Variants in ADGRB1 observed in about 807,000 individuals in gnomAD.
The protein encoded by ADGRB1 is adhesion G protein-coupled receptor B1, also known as brain-specific angiogenesis inhibitor 1.
In ADGRB1, 36 loss-of-function variants were observed where a neutral mutation model predicts 175.7. The observed-to-expected ratio is 0.20, with a 90% CI of 0.16 to 0.27. The LOEUF (loss-of-function observed/expected upper bound fraction) is 0.27, where lower values mean the gene tolerates loss of function less well. Among genes scored for constraint, ADGRB1 ranks in the 10% least tolerant of loss-of-function variants. The pLI, the probability that ADGRB1 is intolerant of heterozygous loss-of-function variation, is 1.00. For synonymous variants in ADGRB1, 1,054 were observed against 979.4 expected, an observed-to-expected ratio of 1.08 and a Z score of -1.42; for missense variants, 1,731 against 2,255.3, an observed-to-expected ratio of 0.77 and a Z score of 4.71.
Position 142,492,476 on chromosome 8 carries a change from G to A in ADGRB1, c.2675+1661G>A, listed in dbSNP as rs1166639507. 1.3e-5 allele frequency among the ~76,000 whole-genome samples: 2 copies of A among 152,188 alleles called. No individual in the cohort carries two copies. The highest frequency in any genetic ancestry group is 2.9e-5 in the Non-Finnish European group (2 of 68,036). Reference sequence around the variant, plus strand: ...GGCCTTTGCAAGCAGGGTCATGCACGCCTCCGAGGGAAGGGGAGGTTTCGG... The same window carrying A: ...GGCCTTTGCAAGCAGGGTCATGCACACCTCCGAGGGAAGGGGAGGTTTCGG... On this transcript the variant is annotated intron_variant, in intron 17 of 30. Coordinates refer to ENST00000517894, the MANE Select transcript of ADGRB1 (RefSeq NM_001702.3). This position sits in a 1 kb window ranked among gnomAD's most constrained non-coding sequence, Gnocchi z 4.4.
chr8:142,518,068 C>T, intron 18 of ADGRB1, 70 bp from the exon 19 acceptor site: 2 of 1,488,182 alleles, frequency 1.3e-6, no homozygotes, highest in South Asian at 1.2e-5. Context: ...TCTCGGGTCT[C>T]AGTCTTCGGG....
intron 1 of ADGRB1, among the ~76,000 whole-genome samples, chr8:142,463,470 C>A (rs530014285): frequency 6.6e-6 from 1 of 152,268 alleles, no homozygotes; most frequent in African/African-American, 2.4e-5. Context: ...TCCTGTGCTC[C>A]GGGCCCACTT....
At chr8:142,514,633 G>A (rs372790009) in intron 18 of ADGRB1, among the ~76,000 whole-genome samples, 2 of 152,260 alleles carry the variant, frequency 1.3e-5, no homozygotes, top group South Asian at 2.1e-4. Context: ...AACCAGGTTT[G>A]GGGCTCAGTG....
At chr8:142,450,484 C>G (rs563389218) in intron 1 of ADGRB1, among the ~76,000 whole-genome samples, 10 of 152,178 alleles carry the variant, frequency 6.6e-5, no homozygotes, top group African/African-American at 2.2e-4. Context: ...CGCTGTACCC[C>G]CAGCACACAC....
At chr8:142,483,899 A>G in intron 11 of ADGRB1, 78 bp from the exon 12 acceptor site, 2 of 1,498,766 alleles carry the variant, frequency 1.3e-6, no homozygotes, top group Non-Finnish European at 1.9e-6. Flanking sequence ...TCACACACTG[A>G]ATCCTGACCC....
At chr8:142,501,653 T>C (rs1587357852) in intron 17 of ADGRB1, among the ~76,000 whole-genome samples, 1 of 111,914 alleles carries the variant, frequency 8.9e-6, no homozygotes, top group Non-Finnish European at 1.9e-5. Context: ...GTGGTGATGA[T>C]GGGGTGGTGG....
chr8:142,539,782 T>TC (rs1224378118), intron 27 of ADGRB1: 195 of 334,490 alleles, frequency 5.8e-4, no homozygotes, highest in Admixed American at 1.2e-3. Flanking sequence ...CTAGTGCCGC[T>TC]CCCCCCCCCT....
intron 27 of ADGRB1, among the ~76,000 whole-genome samples, chr8:142,540,659 G>T (rs765285404): frequency 6.6e-6 from 1 of 152,188 alleles, no homozygotes; most frequent in Non-Finnish European, 1.5e-5. Flanking sequence ...GTTCTGCCTT[G>T]TGGGGAGCAA....
chr8:142,483,035 G>C (rs1465089473), intron 11 of ADGRB1, among the ~76,000 whole-genome samples: 1 of 148,650 alleles, frequency 6.7e-6, no homozygotes, highest in Non-Finnish European at 1.5e-5. Flanking sequence ...CCTGACCCTG[G>C]TCACACTGAG....
intron 2 of ADGRB1, among the ~76,000 whole-genome samples, chr8:142,473,576 C>T (rs939857680): frequency 6.6e-6 from 1 of 152,236 alleles, no homozygotes; most frequent in African/African-American, 2.4e-5. Context: ...CCCTTGTGCC[C>T]TGGAGGCCGT....
chr8:142,460,030 C>G (rs1839892162), intron 1 of ADGRB1, among the ~76,000 whole-genome samples: 1 of 152,272 alleles, frequency 6.6e-6, no homozygotes, highest in African/African-American at 2.4e-5. Flanking sequence ...TCGGCCAACA[C>G]TGCAGCCATG....
In ADGRB1 at chr8:142,542,745, G is replaced by A. The variant is rs1343618047; in HGVS notation, c.4413+98G>A. On this transcript the variant is annotated intron_variant, in intron 28 of 30. Transcript: ENST00000517894. This position sits in a 1 kb window ranked among gnomAD's most constrained non-coding sequence, Gnocchi z 6.3. The stretch of plus-strand genomic sequence containing the variant: ...GGTGGGACCCCCACGCCGTCAGCGG[G>A]GCGGGCTGGCTCTGCCTCCTAGCTA... The A allele has an allele frequency of 2.5e-6, 3 of 1,180,714 alleles. No homozygotes were observed. Among genetic ancestry groups the A allele is most frequent in the Non-Finnish European group, 3.5e-6 (3 of 868,800 alleles). The allele number at this position is 1,180,714 out of a possible 1,614,324, so 73.1% of individuals were successfully genotyped here. A position where few individuals can be genotyped will look rare whatever the true frequency, so the allele number is the denominator to read the frequency against.
chr8:142,521,122 G>A (rs922018203), intron 20 of ADGRB1, among the ~76,000 whole-genome samples, 197 bp downstream of exon 20: 2 of 152,136 alleles, frequency 1.3e-5, no homozygotes, highest in Non-Finnish European at 2.9e-5. Context: ...CTGGTCAGCC[G>A]GCCAAGAAGG....
At chr8:142,517,789 C>T (rs1033323195) in intron 18 of ADGRB1, among the ~76,000 whole-genome samples, 6 of 152,160 alleles carry the variant, frequency 3.9e-5, no homozygotes, top group Non-Finnish European at 8.8e-5. Context: ...GACCTGGCAC[C>T]TCCCTGGCCC....
intron 1 of ADGRB1, among the ~76,000 whole-genome samples, chr8:142,450,989 T>C (rs1839313879): frequency 6.6e-6 from 1 of 152,062 alleles, no homozygotes; most frequent in South Asian, 2.1e-4. Context: ...CCGCCGGCCC[T>C]CCACCGTCGC....
chr8:142,459,704 G>A (rs1563675203), intron 1 of ADGRB1, among the ~76,000 whole-genome samples: 18 of 152,150 alleles, frequency 1.2e-4, no homozygotes. Context: ...ATATGCACGG[G>A]CACACACAGG....
At chr8:142,468,690 AG>A (rs1485757127) in intron 2 of ADGRB1, among the ~76,000 whole-genome samples, 1 of 152,186 alleles carries the variant, frequency 6.6e-6, no homozygotes, top group African/African-American at 2.4e-5. Flanking sequence ...AGAGACCCGC[AG>A]GGCTCCCGCC....
intron 30 of ADGRB1, 106 bp from the exon 31 acceptor site, chr8:142,544,114 C>G: frequency 8.1e-7 from 1 of 1,239,102 alleles, no homozygotes; most frequent in Admixed American, 2.3e-5. Flanking sequence ...TCCCCCACCT[C>G]CCGTCCCTTC....
intron 2 of ADGRB1, among the ~76,000 whole-genome samples, chr8:142,469,185 G>A (rs1260635603): frequency 6.6e-6 from 1 of 152,190 alleles, no homozygotes; most frequent in African/African-American, 2.4e-5. Context: ...GTGTGTGAAT[G>A]TGTGCACATG....
Sources: gnomAD v4.1 joint callset for allele counts (sites outside exome capture counted in the v4.1 genomes callset) on GRCh38, gnomAD v4.1.1 for gene constraint, Gnocchi (gnomAD v3.1) non-coding constraint, MANE v1.5 for transcripts, NCBI Gene and HGNC (gene_info 2026-07-23, HGNC 2026-07-21) for gene names.